Variants in PEX7 observed in about 807,000 individuals in gnomAD.
PEX7 encodes peroxisomal biogenesis factor 7.
A neutral mutation model predicts 47.5 loss-of-function variants in PEX7; 34 were observed. The ratio of observed to expected loss-of-function variants is 0.72; its 90% CI spans 0.54 to 0.95. The LOEUF is 0.95. PEX7 is among the 40% of genes least tolerant of loss of function. PEX7 has a pLI of 0.00. For missense variants in PEX7, 394 were observed against 400.3 expected (o/e 0.98, Z 0.13); for synonymous variants, 141 against 148.8 (o/e 0.95, Z 0.38).
intron 5 of PEX7, among the ~76,000 whole-genome samples, chr6:136,865,869 G>A (rs998959355): frequency 2.6e-5 from 4 of 152,064 alleles, no homozygotes; most frequent in Non-Finnish European, 5.9e-5. Context: ...TGGATCACGA[G>A]GTCAGGCAAT....
intron 8 of PEX7, among the ~76,000 whole-genome samples, chr6:136,895,858 G>A (rs1562756101): frequency 6.6e-6 from 1 of 152,074 alleles, no homozygotes; most frequent in Non-Finnish European, 1.5e-5. Flanking sequence ...TGAACTCTTT[G>A]CAAGATGCAG....
chr6:136,837,162 C>G (rs1212158771), intron 3 of PEX7, among the ~76,000 whole-genome samples: 1 of 151,650 alleles, frequency 6.6e-6, no homozygotes, highest in East Asian at 1.9e-4. Context: ...AGATTGAGAC[C>G]ATCCTGGCTA....
chr6:136,862,133 C>T (rs1407749950), intron 5 of PEX7, among the ~76,000 whole-genome samples: 3 of 148,314 alleles, frequency 2.0e-5, no homozygotes, highest in Admixed American at 1.4e-4. Context: ...GGGGCGTGAT[C>T]TCAGCTCACT....
chr6:136,872,945 G>GT (rs1007433354), intron 8 of PEX7, among the ~76,000 whole-genome samples: 30 of 152,030 alleles, frequency 2.0e-4, no homozygotes, highest in Non-Finnish European at 2.9e-4. Flanking sequence ...CTTGCTTAGA[G>GT]TTTTTTTTGT....
chr6:136,866,836 C>T (rs929400340), intron 6 of PEX7, 103 bp downstream of exon 6: 2 of 951,210 alleles, frequency 2.1e-6, no homozygotes, highest in African/African-American at 1.6e-5. Context: ...TGTTCCTGGA[C>T]CATTAAGTTA....
Position 136,826,302 on chromosome 6 carries a change from G to GT in PEX7, c.189-11dup. ...TAAGTGTTGTATTTTTTTGTTGTTT[G>GT]TTTTTTCCTAGTGTAGCTTTGACTG... is the stretch of plus-strand genomic sequence containing the variant. On this transcript the variant is annotated splice_polypyrimidine_tract_variant and intron_variant, in intron 2 of 9. Coordinates refer to ENST00000318471, the MANE Select transcript of PEX7 (RefSeq NM_000288.4). The GT allele has an allele frequency of 6.2e-7, 1 of 1,613,386 alleles. No individual in the cohort carries two copies.
intron 8 of PEX7, among the ~76,000 whole-genome samples, chr6:136,885,231 A>G (rs960791525): frequency 1.3e-5 from 2 of 152,198 alleles, no homozygotes; most frequent in Non-Finnish European, 1.5e-5. Context: ...ATATCTGAAG[A>G]TTTTAATTGA....
intron 8 of PEX7, among the ~76,000 whole-genome samples, chr6:136,877,066 G>A (rs1775287799): frequency 6.6e-6 from 1 of 152,100 alleles, no homozygotes; most frequent in African/African-American, 2.4e-5. Context: ...TTGTGGTTTT[G>A]ATTTGCATTT....
At chr6:136,826,583 C>T in intron 3 of PEX7, 114 bp downstream of exon 3, 2 of 1,202,630 alleles carry the variant, frequency 1.7e-6, no homozygotes, top group Non-Finnish European at 2.4e-6. Context: ...TAAACGTTAG[C>T]ATTTCTTATA....
intron 8 of PEX7, 53 bp downstream of exon 8, chr6:136,872,306 C>T: frequency 7.4e-7 from 1 of 1,360,170 alleles, no homozygotes; most frequent in African/African-American, 1.4e-5. Context: ...ACATTTGCAT[C>T]TTTGCAACTT....
chr6:136,869,593 T>G (rs2115223764), intron 6 of PEX7, among the ~76,000 whole-genome samples: 1 of 152,352 alleles, frequency 6.6e-6, no homozygotes, highest in South Asian at 2.1e-4. Context: ...CTGCCGCTTC[T>G]AAAGCTGAAT....
chr6:136,910,233 A>G (rs1022786680), intron 9 of PEX7, among the ~76,000 whole-genome samples: 1 of 152,208 alleles, frequency 6.6e-6, no homozygotes, highest in Admixed American at 6.5e-5. Context: ...TTATGTTCTA[A>G]TAAGACATGG....
At chr6:136,835,279 C>T (rs1460159581) in intron 3 of PEX7, among the ~76,000 whole-genome samples, 3 of 148,926 alleles carry the variant, frequency 2.0e-5, no homozygotes, top group Non-Finnish European at 3.0e-5. Context: ...TGGGAGCTTA[C>T]AAAAATTTTT....
chr6:136,844,637 A>C (rs1364057928), intron 3 of PEX7, among the ~76,000 whole-genome samples: 1 of 152,148 alleles, frequency 6.6e-6, no homozygotes, highest in Non-Finnish European at 1.5e-5. Flanking sequence ...GTATCCTTTG[A>C]CCAACATATC....
At chr6:136,823,216 C>T (rs1774117580) in intron 1 of PEX7, 1 of 985,310 alleles carries the variant, frequency 1.0e-6, no homozygotes, top group East Asian at 1.1e-4. Context: ...AGTTGGCCCA[C>T]AATTCCCAGT....
chr6:136,862,346 A>G (rs1482738581), intron 5 of PEX7, among the ~76,000 whole-genome samples: 1 of 150,960 alleles, frequency 6.6e-6, no homozygotes, highest in Non-Finnish European at 1.5e-5. Context: ...CCAAAGTGCT[A>G]GGATGACAGG....
In PEX7 at chr6:136,913,518, C is replaced by A. The variant is rs144183965; in HGVS notation, c.964C>A (p.Pro322Thr). The A allele has an allele frequency of 1.4e-5, 22 of 1,607,692 alleles. No homozygotes were observed. The African/African-American group carries it at 2.7e-4, about 20-fold the overall frequency. Reference sequence around the variant, plus strand: ...CTATGACCCTGCTTGTCTTACTATTCCTGCTTGAGATACACTACTTTGGTC... The same window carrying A: ...CTATGACCCTGCTTGTCTTACTATTACTGCTTGAGATACACTACTTTGGTC... Reference protein sequence around the residue: ...KIYDPACLTIPA With the variant: ...KIYDPACLTITA The change falls in exon 10 of 10, where the codon CCT becomes ACT. Residue 322 changes from proline (P) to threonine (T), a missense_variant. By Grantham distance (38) the Pro-to-Thr change is conservative. Transcript: ENST00000318471.
At chr6:136,875,573 A>C (rs1775256830) in intron 8 of PEX7, among the ~76,000 whole-genome samples, 1 of 152,236 alleles carries the variant, frequency 6.6e-6, no homozygotes. Flanking sequence ...GAACCTAATA[A>C]ATGATCAGTT....
intron 3 of PEX7, among the ~76,000 whole-genome samples, chr6:136,844,878 A>G (rs1215153492): frequency 6.6e-6 from 1 of 152,240 alleles, no homozygotes; most frequent in Non-Finnish European, 1.5e-5. Context: ...GGGAGAGAGT[A>G]GTAAGATTCA....
Sources: allele counts gnomAD v4.1 joint callset (sites outside exome capture counted in the v4.1 genomes callset), GRCh38; gene constraint gnomAD v4.1.1; transcripts MANE v1.5; gene names NCBI Gene and HGNC (gene_info 2026-07-23, HGNC 2026-07-21).